JARID2: variants seen among roughly 807,000 people sequenced by gnomAD.
JARID2 encodes the protein protein Jumonji.
JARID2 carries 21 observed loss-of-function variants against 125.6 expected under a neutral mutation model. The observed-to-expected ratio is 0.17, with a 90% CI of 0.12 to 0.24. JARID2 has a LOEUF of 0.24. Ranked by LOEUF, JARID2 falls within the 10% of genes least tolerant of loss-of-function variation. The pLI is 1.00. For missense variants in JARID2, 1,303 were observed against 1,639.6 expected (o/e 0.79, Z 3.55); for synonymous variants, 736 against 661.6 (o/e 1.11, Z -1.73).
chr6:15,466,482 G>T (rs1000833693), intron 4 of JARID2, among the ~76,000 whole-genome samples: 5 of 152,210 alleles, frequency 3.3e-5, no homozygotes, highest in African/African-American at 1.2e-4. Context: ...AAATTTAATG[G>T]CAGAGTCTAA....
chr6:15,451,984 T>A (rs763174419), intron 3 of JARID2, 22 bp from the exon 4 acceptor site: 3 of 1,610,586 alleles, frequency 1.9e-6, no homozygotes, highest in Admixed American at 1.7e-5. Context: ...AATTTATTTT[T>A]AATTTTCTTT....
chr6:15,431,024 AATC>A (rs1159808994), intron 3 of JARID2, among the ~76,000 whole-genome samples: 1 of 152,122 alleles, frequency 6.6e-6, no homozygotes, highest in Non-Finnish European at 1.5e-5. Flanking sequence ...GCAGGGCTGT[AATC>A]TGCTTGTTGT....
chr6:15,460,867 G>A (rs564693541), intron 4 of JARID2, among the ~76,000 whole-genome samples: 2 of 152,274 alleles, frequency 1.3e-5, no homozygotes, highest in African/African-American at 4.8e-5. Flanking sequence ...ACCACACCCA[G>A]CTAATTTTTG....
chr6:15,418,456 G>A (rs967861199), intron 3 of JARID2, among the ~76,000 whole-genome samples: 4 of 152,038 alleles, frequency 2.6e-5, no homozygotes, highest in Admixed American at 6.5e-5. Context: ...CCTCGTGATC[G>A]CCCGCCTCGT....
At chr6:15,277,229 G>T (rs947082012) in intron 1 of JARID2, among the ~76,000 whole-genome samples, 1 of 152,188 alleles carries the variant, frequency 6.6e-6, no homozygotes, top group African/African-American at 2.4e-5. Context: ...CGCAGTGTGG[G>T]TGGCTGGAGT....
chr6:15,493,420 C>T (rs1490885598), intron 6 of JARID2, among the ~76,000 whole-genome samples: 2 of 152,156 alleles, frequency 1.3e-5, no homozygotes, highest in African/African-American at 2.4e-5. Context: ...CTGAACCTCA[C>T]AGGAGTTGGG....
At chr6:15,442,854 A>T (rs1767506659) in intron 3 of JARID2, among the ~76,000 whole-genome samples, 1 of 152,234 alleles carries the variant, frequency 6.6e-6, no homozygotes, top group Non-Finnish European at 1.5e-5. Context: ...AGGATGCCAT[A>T]GAAGATTTCA....
At chr6:15,274,223 C>T (rs1760407447) in intron 1 of JARID2, among the ~76,000 whole-genome samples, 1 of 152,140 alleles carries the variant, frequency 6.6e-6, no homozygotes, top group Admixed American at 6.5e-5. Context: ...AGCCACTGTG[C>T]CTGGCCTGCT....
chr6:15,310,566 TG>T (rs548192260), intron 1 of JARID2, among the ~76,000 whole-genome samples: 281 of 152,326 alleles, frequency 1.8e-3, no homozygotes, highest in African/African-American at 6.2e-3. Context: ...TCTTCTCCCC[TG>T]TTTCTGGGTC....
In JARID2 at chr6:15,512,928, G is replaced by T. The variant is rs1771347837; in HGVS notation, c.3149G>T (p.Arg1050Leu). The T allele has an allele frequency of 6.2e-7, 1 of 1,613,374 alleles. No individual in the cohort carries two copies. Among genetic ancestry groups the T allele is most frequent in the African/African-American group, 1.3e-5 (1 of 74,718 alleles). ...GFETAKEMKR[R>L]HIAKPFSMEK... The stretch of plus-strand genomic sequence containing the variant: ...CTCCTCTTTCAGGAAATGAAGCGTC[G>T]CCATATAGCTAAGCCATTCTCCATG... Residue 1050 changes from arginine (R) to leucine (L), a missense_variant, in exon 15 of 18, where the codon CGC becomes CTC. Transcript: ENST00000341776.
chr6:15,247,684 A>G (rs1759237915), intron 1 of JARID2: 1 of 985,328 alleles, frequency 1.0e-6, no homozygotes, highest in Non-Finnish European at 1.2e-6. Context: ...CCTTCGGGGC[A>G]CTGGTTTTGT....
chr6:15,390,728 CAG>C (rs1477551519), intron 2 of JARID2, among the ~76,000 whole-genome samples: 1 of 152,162 alleles, frequency 6.6e-6, no homozygotes, highest in Non-Finnish European at 1.5e-5. Context: ...TACAGACCAT[CAG>C]AGATTTCCTG....
chr6:15,487,732 C>T (rs888216585), intron 6 of JARID2, among the ~76,000 whole-genome samples, 190 bp downstream of exon 6: 7 of 152,244 alleles, frequency 4.6e-5, no homozygotes, highest in African/African-American at 1.7e-4. Flanking sequence ...GAAGATCCAT[C>T]AGTTGGATTT....
chr6:15,469,342 T>TCCCC (rs1768929544), intron 5 of JARID2, among the ~76,000 whole-genome samples: 1 of 9,418 alleles, frequency 1.1e-4, no homozygotes, highest in African/African-American at 5.6e-4. Context: ...CTCTCCTGTC[T>TCCCC]CTCTCTCTCT....
chr6:15,504,892 G>A (rs1232302668), intron 9 of JARID2, among the ~76,000 whole-genome samples: 12 of 152,208 alleles, frequency 7.9e-5, no homozygotes, highest in South Asian at 4.1e-4. Context: ...TTGCTCACCC[G>A]GCTGTTTCTC....
intron 16 of JARID2, among the ~76,000 whole-genome samples, chr6:15,513,905 A>T (rs1011786866): frequency 2.0e-5 from 3 of 152,194 alleles, no homozygotes; most frequent in African/African-American, 7.2e-5. Flanking sequence ...GATCTGCCTC[A>T]GCCCCCGAGG....
chr6:15,437,856 C>T (rs538735233), intron 3 of JARID2, among the ~76,000 whole-genome samples: 5 of 150,938 alleles, frequency 3.3e-5, no homozygotes, highest in East Asian at 1.9e-4. Context: ...GGCAAAAGGG[C>T]GATTCTGGGA....
At chr6:15,317,979 GTCTGTT>G (rs1762232422) in intron 1 of JARID2, among the ~76,000 whole-genome samples, 1 of 152,232 alleles carries the variant, frequency 6.6e-6, no homozygotes. Context: ...GTAGAGGCTA[GTCTGTT>G]TGCCTGGGTT....
chr6:15,463,628 C>T (rs1768568962), intron 4 of JARID2, among the ~76,000 whole-genome samples: 2 of 151,974 alleles, frequency 1.3e-5, no homozygotes, highest in Admixed American at 6.6e-5. Flanking sequence ...GATGGAGTTT[C>T]GCCACGTGGG....
Sources: gnomAD v4.1 joint callset for allele counts (sites outside exome capture counted in the v4.1 genomes callset) on GRCh38, gnomAD v4.1.1 for gene constraint, MANE v1.5 for transcripts, NCBI Gene and HGNC (gene_info 2026-07-23, HGNC 2026-07-21) for gene names.